KLHL29: variants seen among roughly 807,000 people sequenced by gnomAD.
KLHL29 encodes kelch-like protein 29.
Under a neutral mutation model 80.4 loss-of-function variants are expected in KLHL29, and 21 were observed. That is an observed-to-expected ratio of 0.26 (90% CI 0.19 to 0.38). KLHL29 has a LOEUF of 0.38. KLHL29 is among the 10% of genes least tolerant of loss of function. The pLI is 1.00. For synonymous variants in KLHL29, 511 were observed against 526.8 expected (o/e 0.97, Z 0.41); for missense variants, 867 against 1,223.9 (o/e 0.71, Z 4.35).
intron 2 of KLHL29, among the ~76,000 whole-genome samples, chr2:23,490,109 C>T (rs1012262432): frequency 6.6e-5 from 10 of 152,232 alleles, no homozygotes; most frequent in Admixed American, 6.5e-4. Flanking sequence ...CGTGCAGGCG[C>T]ATACATTCTC....
Position 23,669,126 on chromosome 2 carries a change from G to A in KLHL29, c.941-15273G>A, listed in dbSNP as rs140283033. 1 of 151,204 alleles carries A rather than the reference G, an allele frequency of 6.6e-6. No homozygotes were observed. Among genetic ancestry groups the A allele is most frequent in the African/African-American group, 2.4e-5 (1 of 41,152 alleles). 9.4% of individuals were successfully genotyped at this position (151,204 alleles called of 1,614,324 possible). ...CTGATGACGACCCCCACGCGGCCAG[G>A]CTTCAGCATCTCAGTGCCCCCAGGC... On this transcript the variant is annotated intron_variant, in intron 5 of 13. Coordinates refer to ENST00000486442, the MANE Select transcript of KLHL29 (RefSeq NM_052920.2). This position sits in a 1 kb window ranked among gnomAD's most constrained non-coding sequence, Gnocchi z 4.3.
intron 1 of KLHL29, among the ~76,000 whole-genome samples, chr2:23,426,909 G>A (rs1663020616): frequency 6.6e-6 from 1 of 152,210 alleles, no homozygotes; most frequent in African/African-American, 2.4e-5. Context: ...CTCTAACAGA[G>A]CCACATGTGT....
chr2:23,444,091 A>G (rs1663607955), intron 1 of KLHL29, among the ~76,000 whole-genome samples: 1 of 152,090 alleles, frequency 6.6e-6, no homozygotes, highest in African/African-American at 2.4e-5. Context: ...GACAAATTGT[A>G]TTTTTATTGT....
At chr2:23,491,466 T>C (rs1665100118) in intron 2 of KLHL29, among the ~76,000 whole-genome samples, 1 of 152,104 alleles carries the variant, frequency 6.6e-6, no homozygotes, top group Admixed American at 6.5e-5. Context: ...CAGGGCCCTG[T>C]GTGGCTTCAG....
intron 1 of KLHL29, among the ~76,000 whole-genome samples, chr2:23,467,747 G>T (rs77452514): frequency 0.011 from 1,643 of 152,270 alleles, 40 homozygotes; most frequent in African/African-American, 0.038. Context: ...CTGGCTGCAG[G>T]CGGGATGGGA....
At chr2:23,583,747 C>T (rs987891052) in intron 3 of KLHL29, among the ~76,000 whole-genome samples, 1 of 152,206 alleles carries the variant, frequency 6.6e-6, no homozygotes, top group African/African-American at 2.4e-5. Context: ...ACAGAAAGCT[C>T]TTGATCAGAC....
At chr2:23,526,380 C>T (rs1037663937) in intron 2 of KLHL29, among the ~76,000 whole-genome samples, 1 of 152,142 alleles carries the variant, frequency 6.6e-6, no homozygotes, top group African/African-American at 2.4e-5. Flanking sequence ...GGCCTGGCAG[C>T]GGGACAGCCC....
chr2:23,625,689 T>C (rs1669291056), intron 3 of KLHL29, among the ~76,000 whole-genome samples: 1 of 152,218 alleles, frequency 6.6e-6, no homozygotes, highest in Admixed American at 6.5e-5. Flanking sequence ...GCCCACTTTG[T>C]GCAGGCTGCG....
chr2:23,676,245 C>T (rs1201201490), intron 5 of KLHL29, among the ~76,000 whole-genome samples: 2 of 151,958 alleles, frequency 1.3e-5, no homozygotes, highest in Non-Finnish European at 2.9e-5. Flanking sequence ...TGCAGTGGCG[C>T]GATCTCAGCT....
At chr2:23,703,591 C>A in intron 12 of KLHL29, 128 bp from the exon 13 acceptor site, 1 of 1,238,668 alleles carries the variant, frequency 8.1e-7, no homozygotes, top group Non-Finnish European at 1.1e-6. Flanking sequence ...CCGGACCCAT[C>A]CCCAGGCCAA....
At chr2:23,583,943 G>A (rs940466977) in intron 3 of KLHL29, among the ~76,000 whole-genome samples, 2 of 152,120 alleles carry the variant, frequency 1.3e-5, no homozygotes, top group East Asian at 1.9e-4. Context: ...TCATGGACTC[G>A]GACACTCCTT....
chr2:23,643,413 CA>C (rs1669832441), intron 5 of KLHL29: 1 of 177,572 alleles, frequency 5.6e-6, no homozygotes, highest in Admixed American at 5.4e-5. Context: ...TTCAAGGATC[CA>C]GGGGTGGCTT....
At chr2:23,409,015 A>G (rs1666799134) in intron 1 of KLHL29, among the ~76,000 whole-genome samples, 1 of 152,102 alleles carries the variant, frequency 6.6e-6, no homozygotes, top group South Asian at 2.1e-4. Flanking sequence ...GCTAATCATA[A>G]AGAATAATTT....
At chr2:23,688,164 C>T (rs917329997) in intron 6 of KLHL29, among the ~76,000 whole-genome samples, 2 of 152,208 alleles carry the variant, frequency 1.3e-5, no homozygotes, top group Non-Finnish European at 2.9e-5. Context: ...GTCACCCACA[C>T]CTGTCACCAA....
intron 1 of KLHL29, among the ~76,000 whole-genome samples, chr2:23,418,024 G>T (rs1331564258): frequency 6.6e-6 from 1 of 152,174 alleles, no homozygotes; most frequent in Non-Finnish European, 1.5e-5. Context: ...TGAGGGCAGG[G>T]TCTGTCTTGC....
chr2:23,446,231 A>G (rs1280599998), intron 1 of KLHL29, among the ~76,000 whole-genome samples: 1 of 146,284 alleles, frequency 6.8e-6, no homozygotes, highest in Non-Finnish European at 1.5e-5. Flanking sequence ...GGTGAATGGT[A>G]TGATAGGGAT....
chr2:23,606,175 AGAGAGAGAGAGAGG>A (rs139732187), intron 3 of KLHL29, among the ~76,000 whole-genome samples: 79 of 121,004 alleles, frequency 6.5e-4, no homozygotes, highest in East Asian at 3.1e-3. Context: ...TGTGTGCGTG[AGAGAGAGAGAGAGG>A]GAGAGAGAGA....
chr2:23,659,377 G>A (rs768798242), intron 5 of KLHL29, among the ~76,000 whole-genome samples: 128 of 152,320 alleles, frequency 8.4e-4, no homozygotes, highest in Non-Finnish European at 1.4e-3. Context: ...AGGAAACTTC[G>A]GTTCAGAAAT....
chr2:23,464,421 A>ATT (rs1337606044), intron 1 of KLHL29, among the ~76,000 whole-genome samples: 1 of 152,004 alleles, frequency 6.6e-6, no homozygotes, highest in East Asian at 1.9e-4. Context: ...TTCGGGGGGG[A>ATT]TAACTCTGAG....
Sources: allele counts gnomAD v4.1 joint callset (sites outside exome capture counted in the v4.1 genomes callset), GRCh38; gene constraint gnomAD v4.1.1; non-coding constraint Gnocchi (gnomAD v3.1); transcripts MANE v1.5; gene names NCBI Gene and HGNC (gene_info 2026-07-23, HGNC 2026-07-21).